The following ADAM22 variants were observed in gnomAD, a reference collection of about 807,000 sequenced individuals.
ADAM22 encodes the protein ADAM metallopeptidase domain 22.
ADAM22 carries 65 observed loss-of-function variants against 144.6 expected under a neutral mutation model. The observed-to-expected ratio is 0.45, with a 90% CI of 0.37 to 0.55. The LOEUF (loss-of-function observed/expected upper bound fraction) is 0.55. Ranked by LOEUF, ADAM22 falls within the 20% of genes least tolerant of loss-of-function variation. The probability of loss-of-function intolerance (pLI) is 0.00; values close to 1 mark genes in which losing one functional copy is unlikely to be tolerated. For missense variants in ADAM22, 974 were observed against 1,184.9 expected, an observed-to-expected ratio of 0.82 and a Z score of 2.61; for synonymous variants, 391 against 412.6, an observed-to-expected ratio of 0.95 and a Z score of 0.63.
Position 88,114,600 on chromosome 7 carries a change from G to T in ADAM22, c.490G>T (p.Gly164Trp), listed in dbSNP as rs371984804. 19 of 1,613,784 alleles carry T rather than the reference G, an allele frequency of 1.2e-5. No individual in the cohort carries two copies. The African/African-American group carries it at 2.4e-4, about 20-fold the overall frequency. Residue 164 changes from glycine (G) to tryptophan (W), a missense_variant, in exon 6 of 32, where the codon GGG (glycine) becomes TGG (tryptophan). This residue lies in a region of ADAM22 where 240 missense variants were observed against 234.3 expected (regional missense o/e 1.02). Transcript: ENST00000413139. ...CHGLHGMFYD[G>W]NHTYLIEPEE... ...CGTTGGCAGTGGGATGTTCTATGAC[G>T]GGAACCACACATATCTCATTGAGCC...
chr7:88,143,814 T>A (rs1835514915), intron 15 of ADAM22, among the ~76,000 whole-genome samples: 1 of 152,262 alleles, frequency 6.6e-6, no homozygotes, highest in South Asian at 2.1e-4. Flanking sequence ...TTTACCTGGT[T>A]TAATTTTCTG....
chr7:88,152,395 A>T (rs1015946000), intron 20 of ADAM22, among the ~76,000 whole-genome samples: 1 of 152,186 alleles, frequency 6.6e-6, no homozygotes, highest in African/African-American at 2.4e-5. Context: ...TTAAAATGTT[A>T]TTTGACTTCC....
intron 4 of ADAM22, among the ~76,000 whole-genome samples, chr7:88,096,393 A>G (rs530146703): frequency 1.2e-3 from 178 of 151,754 alleles, no homozygotes; most frequent in Non-Finnish European, 1.8e-3. Context: ...GTTAATTACC[A>G]ATCTTCTTTT....
intron 9 of ADAM22, among the ~76,000 whole-genome samples, chr7:88,129,633 C>A (rs1411527858): frequency 3.9e-5 from 6 of 152,048 alleles, no homozygotes; most frequent in Middle Eastern, 3.4e-3. Flanking sequence ...CATTTTAGAT[C>A]GTCACAAATT....
intron 3 of ADAM22, among the ~76,000 whole-genome samples, chr7:87,990,448 T>A (rs780138760): frequency 5.9e-5 from 9 of 152,320 alleles, no homozygotes; most frequent in African/African-American, 7.2e-5. Context: ...TGAACATTTT[T>A]AAATAATTAT....
At chr7:88,150,799 C>T (rs1399718331) in intron 18 of ADAM22, among the ~76,000 whole-genome samples, 182 bp from the exon 19 acceptor site, 1 of 151,940 alleles carries the variant, frequency 6.6e-6, no homozygotes, top group African/African-American at 2.4e-5. Context: ...TTATTTTTTA[C>T]CAAATACCCA....
chr7:88,195,910 C>T (rs1416915790), intron 31 of ADAM22, among the ~76,000 whole-genome samples: 1 of 152,134 alleles, frequency 6.6e-6, no homozygotes, highest in Non-Finnish European at 1.5e-5. Flanking sequence ...AATCACACTT[C>T]CCTGATGTCA....
intron 2 of ADAM22, among the ~76,000 whole-genome samples, chr7:87,972,717 G>A (rs1213722420): frequency 6.6e-6 from 1 of 152,128 alleles, no homozygotes; most frequent in African/African-American, 2.4e-5. Flanking sequence ...AAACAGCATG[G>A]TACTGGTACC....
chr7:88,194,323 G>GA (rs1457350317), intron 31 of ADAM22, among the ~76,000 whole-genome samples: 1 of 152,172 alleles, frequency 6.6e-6, no homozygotes, highest in Non-Finnish European at 1.5e-5. Context: ...TAGCTCCCTA[G>GA]AAAAAATGAC....
chr7:88,005,859 A>G (rs1793701255), intron 3 of ADAM22, among the ~76,000 whole-genome samples: 1 of 152,190 alleles, frequency 6.6e-6, no homozygotes, highest in African/African-American at 2.4e-5. Context: ...AAAAGAAGTA[A>G]TAACATTTTT....
chr7:88,093,609 C>T (rs1820513492), intron 4 of ADAM22, among the ~76,000 whole-genome samples: 1 of 152,052 alleles, frequency 6.6e-6, no homozygotes, highest in Non-Finnish European at 1.5e-5. Flanking sequence ...TGCAGTGGCG[C>T]AGTCTTGGCT....
chr7:88,116,611 G>T, intron 6 of ADAM22, 134 bp from the exon 7 acceptor site: 1 of 668,086 alleles, frequency 1.5e-6, no homozygotes, highest in Non-Finnish European at 2.6e-6. Context: ...TTGGGCAATG[G>T]TTCATCACCT....
At chr7:88,056,941 T>A (rs577969978) in intron 3 of ADAM22, among the ~76,000 whole-genome samples, 1 of 152,298 alleles carries the variant, frequency 6.6e-6, no homozygotes, top group East Asian at 1.9e-4. Context: ...GGAGTGATTA[T>A]GAGGCAATGG....
At chr7:87,959,675 G>A (rs1847612109) in intron 2 of ADAM22, among the ~76,000 whole-genome samples, 1 of 152,090 alleles carries the variant, frequency 6.6e-6, no homozygotes, top group Non-Finnish European at 1.5e-5. Flanking sequence ...AAATCAAAAG[G>A]AACAGACAGG....
intron 25 of ADAM22, among the ~76,000 whole-genome samples, chr7:88,170,572 C>G (rs895421198): frequency 2.6e-5 from 4 of 151,896 alleles, no homozygotes; most frequent in African/African-American, 7.2e-5. Flanking sequence ...TTTCCCCCAT[C>G]TGATAGTTTC....
intron 17 of ADAM22, among the ~76,000 whole-genome samples, chr7:88,147,346 T>G (rs922700416): frequency 6.6e-6 from 1 of 152,206 alleles, no homozygotes; most frequent in African/African-American, 2.4e-5. Context: ...TATCTCTATT[T>G]TTTTCTACCT....
chr7:88,039,226 G>A (rs910871600), intron 3 of ADAM22, among the ~76,000 whole-genome samples: 3 of 151,206 alleles, frequency 2.0e-5, no homozygotes, highest in Non-Finnish European at 2.9e-5. Context: ...GGCGGATCAC[G>A]AGGTCAGGAG....
intron 3 of ADAM22, among the ~76,000 whole-genome samples, chr7:88,027,631 A>G (rs1799301650): frequency 6.6e-6 from 1 of 151,430 alleles, no homozygotes; most frequent in African/African-American, 2.4e-5. Context: ...AATTTTGTTT[A>G]TCTTTTCAGA....
chr7:88,186,378 G>A, intron 29 of ADAM22: 1 of 485,808 alleles, frequency 2.1e-6, no homozygotes, highest in Non-Finnish European at 3.6e-6. Context: ...CACTGGAAAA[G>A]GCTTTCCCAG....
Sources: allele counts gnomAD v4.1 joint callset (sites outside exome capture counted in the v4.1 genomes callset), GRCh38; gene constraint gnomAD v4.1.1; regional missense constraint gnomAD v4.1.1; transcripts MANE v1.5; gene names NCBI Gene and HGNC (gene_info 2026-07-23, HGNC 2026-07-21).